CDK14: variants seen among roughly 807,000 people sequenced by gnomAD.
The protein encoded by CDK14 is cyclin dependent kinase 14, also known as cyclin-dependent kinase 14.
CDK14 carries 34 observed loss-of-function variants against 60.7 expected under a neutral mutation model. The ratio of observed to expected loss-of-function variants is 0.56; its 90% CI spans 0.43 to 0.75. The LOEUF (loss-of-function observed/expected upper bound fraction) is 0.75, where lower values mean the gene tolerates loss of function less well. Among genes scored for constraint, CDK14 ranks in the 30% least tolerant of loss-of-function variants. The pLI is 0.00. For synonymous variants in CDK14, 197 were observed against 203.7 expected, an observed-to-expected ratio of 0.97 and a Z score of 0.28; for missense variants, 482 against 564.1, an observed-to-expected ratio of 0.85 and a Z score of 1.47.
rs1442808581 is a variant in CDK14, at chr7:90,863,182, T to C, written c.552T>C (p.Leu184=). The C allele has an allele frequency of 6.3e-7, 1 of 1,593,016 alleles. No individual in the cohort carries two copies. The part of the protein sequence containing the change: ...TPFTAIREAS[L]LKGLKHANIV... The stretch of plus-strand genomic sequence containing the variant: ...GTCCATTTTGTTTTACAGCTTCTCT[T>C]TTAAAAGGACTAAAACATGCTAACA... Residue 184 remains leucine, a synonymous_variant, in exon 6 of 15, where the codon CTT becomes CTC. Coordinates refer to ENST00000380050, the MANE Select transcript of CDK14 (RefSeq NM_001287135.2).
rs1013359781 is a variant in CDK14 at position 91,165,947 on chromosome 7, G to A, written c.*29-41218G>A. ...TGACAATTAGTGATTTGTAGGCTTG[G>A]TTAGCACATGCATACTTTTTAAGCA... On this transcript the variant is annotated intron_variant, in intron 14 of 14. Transcript: ENST00000380050. Among the ~76,000 whole-genome samples the A allele has an allele frequency of 3.3e-5, 5 of 152,270 alleles. No individual in the cohort carries two copies. The South Asian group carries it at 1.0e-3, about 32-fold the overall frequency.
chr7:90,773,874 C>CTCCTT (rs1227716715), intron 4 of CDK14, among the ~76,000 whole-genome samples: 32 of 115,078 alleles, frequency 2.8e-4, no homozygotes, highest in Admixed American at 1.0e-4. Context: ...CTCCTCTCCT[C>CTCCTT]TCCTCTCCTC....
chr7:90,631,090 T>A (rs1799988348), intron 2 of CDK14, among the ~76,000 whole-genome samples: 1 of 152,198 alleles, frequency 6.6e-6, no homozygotes. Context: ...GAACCCCCCT[T>A]CTCATGGAAG....
At chr7:90,823,557 T>C (rs1278609770) in intron 5 of CDK14, among the ~76,000 whole-genome samples, 1 of 152,184 alleles carries the variant, frequency 6.6e-6, no homozygotes, top group Non-Finnish European at 1.5e-5. Context: ...TAAATTAATG[T>C]GATCAGATCG....
intron 14 of CDK14, among the ~76,000 whole-genome samples, chr7:91,131,097 T>TG (rs1800102447): frequency 6.6e-6 from 1 of 152,066 alleles, no homozygotes; most frequent in African/African-American, 2.4e-5. Context: ...TTTTTATTTT[T>TG]TTTTTGTTTT....
At chr7:91,098,529 A>G (rs947744192) in intron 12 of CDK14, among the ~76,000 whole-genome samples, 3 of 131,866 alleles carry the variant, frequency 2.3e-5, no homozygotes, top group Non-Finnish European at 3.3e-5. Context: ...AAGAAAGAGA[A>G]AAAAAAAAAG....
chr7:90,847,238 A>G (rs937208753), intron 5 of CDK14, among the ~76,000 whole-genome samples: 9 of 152,154 alleles, frequency 5.9e-5, no homozygotes, highest in East Asian at 1.9e-4. Flanking sequence ...GGCATTTGCT[A>G]TATCTTTCCA....
At chr7:90,780,631 T>A (rs1013893702) in intron 4 of CDK14, among the ~76,000 whole-genome samples, 3 of 144,034 alleles carry the variant, frequency 2.1e-5, no homozygotes, top group Admixed American at 7.3e-5. Context: ...TGTGTCCATG[T>A]GTTCTCATTG....
intron 2 of CDK14, among the ~76,000 whole-genome samples, chr7:90,607,331 T>C (rs1426053318): frequency 1.3e-5 from 2 of 152,158 alleles, no homozygotes; most frequent in Non-Finnish European, 2.9e-5. Flanking sequence ...TTCTTAGGTA[T>C]GCAATAAGGT....
chr7:90,724,144 T>A (rs1291443560), intron 2 of CDK14, among the ~76,000 whole-genome samples: 1 of 152,194 alleles, frequency 6.6e-6, no homozygotes, highest in Non-Finnish European at 1.5e-5. Flanking sequence ...TATCTATTTT[T>A]TTTTTTAACT....
intron 9 of CDK14, among the ~76,000 whole-genome samples, chr7:90,972,160 T>C (rs922700384): frequency 2.0e-5 from 3 of 152,216 alleles, no homozygotes; most frequent in Non-Finnish European, 4.4e-5. Flanking sequence ...AGATGGGCTT[T>C]TACCCACAAT....
chr7:91,198,439 G>T (rs1318629701), intron 14 of CDK14, among the ~76,000 whole-genome samples: 2 of 152,202 alleles, frequency 1.3e-5, no homozygotes, highest in Non-Finnish European at 2.9e-5. Context: ...GATCCAGGAA[G>T]ATTGTACAAT....
intron 14 of CDK14, among the ~76,000 whole-genome samples, chr7:91,183,412 C>A (rs980066188): frequency 3.3e-5 from 5 of 152,194 alleles, no homozygotes; most frequent in Non-Finnish European, 7.3e-5. Flanking sequence ...CCATTCTGCA[C>A]CCAGTCACTC....
intron 2 of CDK14, among the ~76,000 whole-genome samples, chr7:90,652,016 G>A (rs1172819247): frequency 6.6e-6 from 1 of 152,120 alleles, no homozygotes; most frequent in Non-Finnish European, 1.5e-5. Context: ...ACACTTCCCA[G>A]TGGCCTCCAT....
intron 6 of CDK14, among the ~76,000 whole-genome samples, chr7:90,881,462 C>T (rs968096068): frequency 2.0e-5 from 3 of 152,022 alleles, no homozygotes; most frequent in Non-Finnish European, 2.9e-5. Flanking sequence ...TATAATTGAT[C>T]GGAGTGCCAG....
chr7:90,912,317 T>C (rs3757815), intron 7 of CDK14, among the ~76,000 whole-genome samples: 125,283 of 152,156 alleles, frequency 0.82, 51,753 homozygotes, highest in East Asian at 0.95. Flanking sequence ...AAGAATCATG[T>C]GCTTATTATA....
chr7:91,134,472 T>C (rs1198429892), intron 14 of CDK14, among the ~76,000 whole-genome samples: 1 of 152,170 alleles, frequency 6.6e-6, no homozygotes, highest in Non-Finnish European at 1.5e-5. Flanking sequence ...ATATTTCTTA[T>C]CTGCAGCTAA....
rs567021483 is a variant in CDK14 at position 91,112,530 on chromosome 7, T to A, written c.1155-12T>A. On this transcript the variant is annotated splice_polypyrimidine_tract_variant and intron_variant, in intron 12 of 14. Transcript: ENST00000380050. ...GTTTGGTCTGACCTCTCTTTTTTGC[T>A]CATGTTTTTAGGCTCAGCTATGTGA... 3.1e-6 allele frequency: 5 copies of A among 1,608,556 alleles called. No homozygotes were observed. The highest frequency in any genetic ancestry group is 1.7e-5 in the Admixed American group (1 of 59,792).
intron 14 of CDK14, among the ~76,000 whole-genome samples, chr7:91,144,255 T>C (rs778139059): frequency 3.3e-5 from 5 of 152,212 alleles, no homozygotes; most frequent in South Asian, 2.1e-4. Context: ...AAATAAAAAG[T>C]ATAAATCTGT....
Sources: allele counts gnomAD v4.1 joint callset (sites outside exome capture counted in the v4.1 genomes callset), GRCh38; gene constraint gnomAD v4.1.1; transcripts MANE v1.5; gene names NCBI Gene and HGNC (gene_info 2026-07-23, HGNC 2026-07-21).